The following KLF8 variants were observed in gnomAD, a reference collection of about 807,000 sequenced individuals.
KLF8 encodes the protein Krueppel-like factor 8.
Under a neutral mutation model 18.2 loss-of-function variants are expected in KLF8, and 10 were observed. That is an observed-to-expected ratio of 0.55 (90% CI 0.34 to 0.93). The LOEUF (loss-of-function observed/expected upper bound fraction) is 0.93, where lower values mean the gene tolerates loss of function less well. KLF8 is among the 40% of genes least tolerant of loss of function. The probability of loss-of-function intolerance (pLI) is 0.02; values close to 1 mark genes in which losing one functional copy is unlikely to be tolerated. For synonymous variants in KLF8, 109 were observed against 97.3 expected (o/e 1.12, Z -0.71); for missense variants, 264 against 277.9 (o/e 0.95, Z 0.36).
upstream of KLF8, among the ~76,000 whole-genome samples, chrX:56,227,810 G>T (rs1054198486): frequency 1.8e-5 from 2 of 108,907 alleles, no homozygotes; most frequent in East Asian, 5.7e-4. Context: ...CAATTTATGG[G>T]TGTGGTGGTA....
chrX:55,944,699 C>A, the KLF8 span, among the ~76,000 whole-genome samples: 2 of 110,128 alleles, frequency 1.8e-5, no homozygotes, highest in African/African-American at 3.3e-5. Flanking sequence ...TTTTTTATTG[C>A]GTCTATTTGA....
At chrX:56,147,298 A>G in the KLF8 span, among the ~76,000 whole-genome samples, 1 of 111,793 alleles carries the variant, frequency 8.9e-6, no homozygotes, top group Admixed American at 9.5e-5. Flanking sequence ...GCTGAATGAA[A>G]TTCAACTGTA....
the KLF8 span, among the ~76,000 whole-genome samples, chrX:56,003,986 T>C: frequency 8.9e-6 from 1 of 112,448 alleles, no homozygotes; most frequent in African/African-American, 3.2e-5. Context: ...CTGAATATAA[T>C]AACCAAATCA....
At chrX:56,127,261 C>T in the KLF8 span, among the ~76,000 whole-genome samples, 2 of 111,267 alleles carry the variant, frequency 1.8e-5, no homozygotes, top group African/African-American at 3.3e-5. Flanking sequence ...TCAATGTATC[C>T]CTAGTACTGA....
intron 2 of KLF8, among the ~76,000 whole-genome samples, 184 bp from the exon 3 acceptor site, chrX:56,264,996 G>A (rs2066948087): frequency 9.0e-6 from 1 of 111,451 alleles, no homozygotes; most frequent in Non-Finnish European, 1.9e-5. Flanking sequence ...TACAGTACCT[G>A]GTACTTACAG....
At chrX:55,992,838 T>A in the KLF8 span, among the ~76,000 whole-genome samples, 1 of 111,594 alleles carries the variant, frequency 9.0e-6, no homozygotes, top group Admixed American at 9.5e-5. Flanking sequence ...GTATTCCTAG[T>A]TATTTTATTG....
chrX:56,153,221 C>T, the KLF8 span, among the ~76,000 whole-genome samples: 2 of 110,488 alleles, frequency 1.8e-5, no homozygotes, highest in African/African-American at 6.6e-5. Flanking sequence ...GTTACCTGGG[C>T]ATGGAGGTGC....
chrX:56,173,874 G>T, the KLF8 span, among the ~76,000 whole-genome samples: 1 of 111,719 alleles, frequency 9.0e-6, no homozygotes, highest in Non-Finnish European at 1.9e-5. Context: ...CTGAATGGGA[G>T]TTCACTCGTG....
At chrX:56,134,719 C>G in the KLF8 span, among the ~76,000 whole-genome samples, 9 of 110,934 alleles carry the variant, frequency 8.1e-5, no homozygotes, top group Non-Finnish European at 1.7e-4. Flanking sequence ...AACAGACAAA[C>G]TACAGAGTGG....
chrX:55,908,732 G>A, the KLF8 span: 2 of 284,218 alleles, frequency 7.0e-6, no homozygotes, highest in Non-Finnish European at 1.2e-5. Context: ...CTCAATCCCG[G>A]CCCCGCCCCG....
At chrX:56,184,178 G>T in the KLF8 span, among the ~76,000 whole-genome samples, 12 of 112,296 alleles carry the variant, frequency 1.1e-4, no homozygotes, top group East Asian at 2.8e-3. Context: ...CTAACACTGC[G>T]CATTTCCGAC....
the KLF8 span, among the ~76,000 whole-genome samples, chrX:56,075,334 A>G: frequency 0.019 from 2,129 of 111,080 alleles, 16 homozygotes; most frequent in Middle Eastern, 0.038. Flanking sequence ...ACTTTTCTGA[A>G]TGCATTTATT....
intron 1 of KLF8, among the ~76,000 whole-genome samples, chrX:56,241,351 G>T (rs1192123788): frequency 9.0e-6 from 1 of 111,183 alleles, no homozygotes; most frequent in African/African-American, 3.3e-5. Context: ...TTTTTTAGTA[G>T]AGATGGCATT....
chrX:56,145,252 A>G, the KLF8 span, among the ~76,000 whole-genome samples: 20 of 112,330 alleles, frequency 1.8e-4, no homozygotes, highest in Non-Finnish European at 3.0e-4. Context: ...AGGAAATGCA[A>G]ATCAAAGTCA....
At chrX:55,986,724 G>A in the KLF8 span, among the ~76,000 whole-genome samples, 2 of 111,828 alleles carry the variant, frequency 1.8e-5, no homozygotes, top group African/African-American at 6.5e-5. Flanking sequence ...GGTTCACAGA[G>A]TTAATGTACA....
chrX:56,160,094 G>T, the KLF8 span, among the ~76,000 whole-genome samples: 2 of 111,583 alleles, frequency 1.8e-5, no homozygotes, highest in East Asian at 2.8e-4. Flanking sequence ...TTGTGTCTTT[G>T]TTCTCATTGG....
the KLF8 span, among the ~76,000 whole-genome samples, chrX:55,919,808 CATA>C: frequency 8.9e-6 from 1 of 111,783 alleles, no homozygotes; most frequent in South Asian, 3.8e-4. Context: ...AGGCAAAGGT[CATA>C]ATATTTTGGG....
chrX:56,156,281 A>G, the KLF8 span, among the ~76,000 whole-genome samples: 1 of 112,006 alleles, frequency 8.9e-6, no homozygotes, highest in African/African-American at 3.2e-5. Context: ...CAGGTTTGTT[A>G]CATAGGTAAA....
Position 56,265,566 on chromosome X carries a change from C to A in KLF8, c.468C>A (p.Ile156=). ...CTCAGAGCACTGGTAGCCAGCAGATCTTACATGTCATTCACACTATCCCCT... is the reference window on the plus strand; with the variant it reads ...CTCAGAGCACTGGTAGCCAGCAGATATTACATGTCATTCACACTATCCCCT... ...TSSQSTGSQQ[I]LHVIHTIPSV... Residue 156 remains isoleucine, a synonymous_variant, in exon 3 of 6, where the codon ATC becomes ATA. Transcript: ENST00000468660. 1 of 1,211,803 alleles carries A rather than the reference C, an allele frequency of 8.3e-7. No individual in the cohort carries two copies. The highest frequency in any genetic ancestry group is 1.1e-6 in the Non-Finnish European group (1 of 895,424).
Sources: gnomAD v4.1 joint callset for allele counts (sites outside exome capture counted in the v4.1 genomes callset) on GRCh38, gnomAD v4.1.1 for gene constraint, MANE v1.5 for transcripts, NCBI Gene and HGNC (gene_info 2026-07-23, HGNC 2026-07-21) for gene names.